TBCK: variants seen among roughly 807,000 people sequenced by gnomAD.
TBCK encodes TBC domain-containing protein kinase-like protein.
A neutral mutation model predicts 113.4 loss-of-function variants in TBCK; 99 were observed. The observed-to-expected ratio is 0.87, with a 90% CI of 0.74 to 1.03. The LOEUF is 1.03. Among genes scored for constraint, TBCK ranks in the 50% least tolerant of loss-of-function variants. TBCK has a pLI of 0.00. For missense variants in TBCK, 1,045 were observed against 1,061.3 expected (o/e 0.98, Z 0.21); for synonymous variants, 369 against 370.8 (o/e 1.00, Z 0.05).
At chr4:106,142,363 C>T (rs1747232343) in intron 23 of TBCK, among the ~76,000 whole-genome samples, 1 of 152,046 alleles carries the variant, frequency 6.6e-6, no homozygotes, top group Non-Finnish European at 1.5e-5. Context: ...CTTCTTTTTC[C>T]TTTTTCATTA....
intron 24 of TBCK, among the ~76,000 whole-genome samples, chr4:106,098,839 A>C (rs1357837570): frequency 1.3e-5 from 2 of 152,054 alleles, no homozygotes; most frequent in Admixed American, 1.3e-4. Flanking sequence ...TAAGCCATTC[A>C]GCTCAATATT....
chr4:106,211,725 G>A (rs1315275403), intron 20 of TBCK, among the ~76,000 whole-genome samples: 1 of 151,834 alleles, frequency 6.6e-6, no homozygotes, highest in Non-Finnish European at 1.5e-5. Context: ...ATTAAAAATT[G>A]CACTTAAGCC....
In TBCK at chr4:106,295,119, A is replaced by T. The variant is rs1040431539; in HGVS notation, c.241T>A (p.Leu81Met). 6.2e-6 allele frequency: 10 copies of T among 1,613,568 alleles called. No individual in the cohort carries two copies. The highest frequency in any genetic ancestry group is 8.5e-6 in the Non-Finnish European group (10 of 1,179,756). ...AEHCERSLEDLLRERKPVSCS... is the reference protein window; with the variant it reads ...AEHCERSLEDMLRERKPVSCS... Reference sequence around the variant, plus strand: ...CTCACAGGTTTCCTTTCTCGAAGCAAGTCTTCCAGACTACGTTCACAATGT... The same window carrying T: ...CTCACAGGTTTCCTTTCTCGAAGCATGTCTTCCAGACTACGTTCACAATGT... Residue 81 changes from leucine (L) to methionine (M), a missense_variant, in exon 3 of 26, where the codon TTG (leucine) becomes ATG (methionine). Physicochemically the swap from Leu to Met is conservative, Grantham distance 15. Transcript: ENST00000394708.
At chr4:106,064,937 T>C (rs967334122) in intron 25 of TBCK, among the ~76,000 whole-genome samples, 16 of 151,962 alleles carry the variant, frequency 1.1e-4, no homozygotes, top group Non-Finnish European at 2.1e-4. Context: ...TTATTCTTAC[T>C]AAACATCACG....
intron 23 of TBCK, among the ~76,000 whole-genome samples, chr4:106,137,751 A>G (rs574250048): frequency 1.4e-4 from 20 of 140,860 alleles, no homozygotes; most frequent in African/African-American, 5.0e-4. Flanking sequence ...GAGACAACAT[A>G]CATGAATATG....
intron 23 of TBCK, among the ~76,000 whole-genome samples, chr4:106,130,627 CA>C (rs369609487): frequency 2.1e-4 from 31 of 148,214 alleles, no homozygotes; most frequent in African/African-American, 6.5e-4. Flanking sequence ...CACACACACA[CA>C]CCACACAGAA....
chr4:106,211,407 T>C (rs999261536), intron 20 of TBCK, among the ~76,000 whole-genome samples: 1 of 152,124 alleles, frequency 6.6e-6, no homozygotes, highest in African/African-American at 2.4e-5. Context: ...CTTATATAAG[T>C]ATTTTTCAAA....
intron 20 of TBCK, among the ~76,000 whole-genome samples, chr4:106,200,319 C>T (rs1296504264): frequency 6.6e-6 from 1 of 152,156 alleles, no homozygotes; most frequent in Non-Finnish European, 1.5e-5. Flanking sequence ...AGCGGGAGGA[C>T]TGCTTGAGCC....
rs1344930558 is a variant in TBCK at position 106,094,014 on chromosome 4, A to C, written c.2571+1468T>G. On this transcript the variant is annotated intron_variant, in intron 25 of 25. Coordinates refer to ENST00000394708, the MANE Select transcript of TBCK (RefSeq NM_001163435.3). ...TTGTGCATGTGTGGGGTAGTGGTAT[A>C]TGGGAAATTTCTATTCCTCTCGATT... Among the ~76,000 whole-genome samples, 7 of 152,278 alleles carry C rather than the reference A, an allele frequency of 4.6e-5. No individual in the cohort carries two copies. In the East Asian group the frequency reaches 1.4e-3, roughly 29 times the overall value.
chr4:106,102,253 C>T (rs1301692685), intron 24 of TBCK, among the ~76,000 whole-genome samples: 3 of 152,152 alleles, frequency 2.0e-5, no homozygotes, highest in Non-Finnish European at 4.4e-5. Context: ...CTGTATTCTC[C>T]ATTCCCTTGG....
At chr4:106,123,136 C>G (rs1315247549) in intron 23 of TBCK, among the ~76,000 whole-genome samples, 1 of 152,194 alleles carries the variant, frequency 6.6e-6, no homozygotes, top group Non-Finnish European at 1.5e-5. Flanking sequence ...CCCATTGTCT[C>G]AGCCCAAAAT....
chr4:106,057,505 C>T (rs1735569769), intron 25 of TBCK, among the ~76,000 whole-genome samples: 2 of 151,720 alleles, frequency 1.3e-5, no homozygotes, highest in Non-Finnish European at 3.0e-5. Flanking sequence ...ACTCAAGGTC[C>T]TCTATCATAA....
chr4:106,313,853 A>AAGAAAATGT, intron 1 of TBCK, among the ~76,000 whole-genome samples: 1 of 152,370 alleles, frequency 6.6e-6, no homozygotes, highest in East Asian at 1.9e-4. Flanking sequence ...GGGGACGGTT[A>AAGAAAATGT]AAAACTATGT....
chr4:106,247,591 T>C (rs554955548), intron 9 of TBCK: 488 of 206,570 alleles, frequency 2.4e-3, no homozygotes, highest in Non-Finnish European at 2.7e-3. Flanking sequence ...TTACTGAATA[T>C]CTTAAATAAT....
intron 3 of TBCK, among the ~76,000 whole-genome samples, chr4:106,272,092 C>A (rs991107725): frequency 2.6e-5 from 4 of 152,080 alleles, no homozygotes; most frequent in African/African-American, 9.7e-5. Flanking sequence ...TTCAGGTATA[C>A]AGGAAGGTAT....
chr4:106,080,086 T>G (rs1305475187), intron 25 of TBCK, among the ~76,000 whole-genome samples: 1 of 152,050 alleles, frequency 6.6e-6, no homozygotes, highest in Non-Finnish European at 1.5e-5. Context: ...GAGTTAAGAT[T>G]GATAAAATGG....
chr4:106,196,186 CTA>C (rs1295668673), intron 20 of TBCK, among the ~76,000 whole-genome samples: 2 of 151,542 alleles, frequency 1.3e-5, no homozygotes, highest in African/African-American at 4.8e-5. Context: ...ACATATATAG[CTA>C]TATATATAGT....
intron 24 of TBCK, among the ~76,000 whole-genome samples, chr4:106,112,336 G>A (rs1418459260): frequency 6.6e-6 from 1 of 152,112 alleles, no homozygotes; most frequent in Non-Finnish European, 1.5e-5. Flanking sequence ...TGCCCTTCCT[G>A]CTGACAAACT....
intron 25 of TBCK, among the ~76,000 whole-genome samples, chr4:106,079,411 T>G (rs771105107): frequency 6.6e-6 from 1 of 152,224 alleles, no homozygotes; most frequent in East Asian, 1.9e-4. Flanking sequence ...TATGATTGTA[T>G]ACCTAGAAAA....
Sources: allele counts gnomAD v4.1 joint callset (sites outside exome capture counted in the v4.1 genomes callset), GRCh38; gene constraint gnomAD v4.1.1; transcripts MANE v1.5; gene names NCBI Gene and HGNC (gene_info 2026-07-23, HGNC 2026-07-21).